PRODH2: variants seen among roughly 807,000 people sequenced by gnomAD.
PRODH2 encodes the protein hydroxyproline dehydrogenase.
Under a neutral mutation model 51.9 loss-of-function variants are expected in PRODH2, and 49 were observed. The ratio of observed to expected loss-of-function variants is 0.94; its 90% CI spans 0.75 to 1.20. PRODH2 has a LOEUF of 1.20. Among genes scored for constraint, PRODH2 ranks in the 50% most tolerant of loss-of-function variants. The pLI is 0.00. For missense variants in PRODH2, 597 were observed against 610.9 expected (o/e 0.98, Z 0.24); for synonymous variants, 249 against 260.7 (o/e 0.96, Z 0.43).
At chr19:35,811,071 T>G (rs1477856915) in intron 4 of PRODH2, among the ~76,000 whole-genome samples, 1 of 152,064 alleles carries the variant, frequency 6.6e-6, no homozygotes, top group Non-Finnish European at 1.5e-5. Context: ...GATAGAGGAA[T>G]AGAGGGATAG....
At chr19:35,809,219 A>G (rs1445780306) in intron 4 of PRODH2, among the ~76,000 whole-genome samples, 1 of 151,482 alleles carries the variant, frequency 6.6e-6, no homozygotes. Flanking sequence ...TTAGCCTCCC[A>G]AGTAGCCAGG....
At chr19:35,806,638 G>T (rs878966002) in intron 6 of PRODH2, 37 bp downstream of exon 6, 4 of 1,613,872 alleles carry the variant, frequency 2.5e-6, no homozygotes, top group Middle Eastern at 3.3e-4. Context: ...CAGGGTGTGG[G>T]GACCCCAGCC....
At chr19:35,810,014 TCCCAGCA>T (rs1173276086) in intron 4 of PRODH2, among the ~76,000 whole-genome samples, 2 of 112,868 alleles carry the variant, frequency 1.8e-5, no homozygotes, top group African/African-American at 6.7e-5. Flanking sequence ...ACGCCTGTAA[TCCCAGCA>T]CTTTGGGAGG....
intron 9 of PRODH2, among the ~76,000 whole-genome samples, chr19:35,801,393 G>A (rs1972425843): frequency 1.3e-5 from 2 of 152,164 alleles, no homozygotes; most frequent in South Asian, 4.1e-4. Flanking sequence ...TTGAACCTGG[G>A]AGGCAAAGGT....
chr19:35,808,837 T>A (rs1162926992), intron 4 of PRODH2, among the ~76,000 whole-genome samples: 3 of 140,270 alleles, frequency 2.1e-5, no homozygotes, highest in Admixed American at 7.3e-5. Flanking sequence ...TTGAGATAGA[T>A]CTCACTCTGT....
At position 35,807,056 on chromosome 19, in the gene PRODH2, C is replaced by CA. The variant is rs1208087856; in HGVS notation, c.662dup (p.His222AlafsTer43). ...GAGGGGTTACCTGTGCCACCCGATG[C>CA]AGGCGGCTGAGGGAGGCCCGGAGGT... On this transcript the variant is annotated frameshift_variant, in exon 5 of 10. Coordinates refer to ENST00000653904, the MANE Select transcript of PRODH2 (RefSeq NM_021232.2). LOFTEE classifies it high-confidence loss of function. The CA allele has an allele frequency of 1.2e-5, 18 of 1,551,938 alleles. No individual in the cohort carries two copies. The highest frequency in any genetic ancestry group is 1.6e-5 in the Non-Finnish European group (18 of 1,147,680).
At chr19:35,803,948 C>A (rs1173685842) in intron 7 of PRODH2, among the ~76,000 whole-genome samples, 3 of 18,684 alleles carry the variant, frequency 1.6e-4, no homozygotes, top group Admixed American at 6.4e-4. Flanking sequence ...TTCCCTATCG[C>A]CCCCCAGACC....
At chr19:35,808,669 G>A (rs959619397) in intron 4 of PRODH2, among the ~76,000 whole-genome samples, 1 of 152,036 alleles carries the variant, frequency 6.6e-6, no homozygotes, top group Non-Finnish European at 1.5e-5. Context: ...GGGAAACTGA[G>A]GCACAGAGCA....
At chr19:35,805,547 G>A (rs573736316) in intron 7 of PRODH2, among the ~76,000 whole-genome samples, 4 of 152,220 alleles carry the variant, frequency 2.6e-5, no homozygotes, top group East Asian at 1.9e-4. Flanking sequence ...GATTACAAGC[G>A]TGAGCCACCA....
At position 35,801,744 on chromosome 19, in the gene PRODH2, C is replaced by A. The variant is rs113250107; in HGVS notation, c.1198+447G>T. Reference sequence around the variant, plus strand: ...CCTTCCCCCAGTCCCAGGAAATGGTCTTGGCCATAAACAGATCAAGGAAGA... The same window carrying A: ...CCTTCCCCCAGTCCCAGGAAATGGTATTGGCCATAAACAGATCAAGGAAGA... On this transcript the variant is annotated intron_variant, in intron 9 of 9. Coordinates refer to ENST00000653904, the MANE Select transcript of PRODH2 (RefSeq NM_021232.2). 3.4e-3 allele frequency: 548 copies of A among 162,736 alleles called. 3 individuals carry two copies. Among genetic ancestry groups the A allele is most frequent in the African/African-American group, 0.012 (507 of 41,840 alleles). The allele number at this position is 162,736 out of a possible 1,614,324, so 10.1% of individuals were successfully genotyped here.
intron 4 of PRODH2, among the ~76,000 whole-genome samples, chr19:35,808,414 G>T (rs760447064): frequency 1.1e-4 from 16 of 152,282 alleles, no homozygotes; most frequent in Non-Finnish European, 2.1e-4. Context: ...CCACCTGGAG[G>T]CAGGTTGGGC....
At chr19:35,801,578 G>C (rs1407808807) in intron 9 of PRODH2, among the ~76,000 whole-genome samples, 1 of 152,158 alleles carries the variant, frequency 6.6e-6, no homozygotes, top group Non-Finnish European at 1.5e-5. Context: ...GCTATCTGAT[G>C]AATTCACAGA....
At chr19:35,807,358 A>G (rs925996193) in intron 4 of PRODH2, among the ~76,000 whole-genome samples, 1 of 152,020 alleles carries the variant, frequency 6.6e-6, no homozygotes, top group Non-Finnish European at 1.5e-5. Context: ...GCTGGAGTGC[A>G]GTGGCATGAT....
intron 9 of PRODH2, among the ~76,000 whole-genome samples, 187 bp from the exon 10 acceptor site, chr19:35,800,409 C>T (rs757401957): frequency 3.9e-5 from 6 of 152,228 alleles, no homozygotes; most frequent in Middle Eastern, 3.4e-3. Context: ...CCACGACGCC[C>T]GGCTCATTTT....
In PRODH2 at chr19:35,812,772, C is replaced by T. The variant is rs376345878; in HGVS notation, c.34G>A (p.Ala12Thr). 14 of 1,606,574 alleles carry T rather than the reference C, an allele frequency of 8.7e-6. No homozygotes were observed. In the African/African-American group the frequency reaches 1.7e-4, roughly 20 times the overall value. The part of the protein sequence containing the change: ...LRTCYVLCSQ[A>T]GPPSRGWQSL... ...TGCCAGCCCCTGGAGGGGGGACCAG[C>T]TTGGGAACAGAGCACGTAACAGGTC... The change falls in exon 1 of 10, where the codon GCT (alanine) becomes ACT (threonine). Residue 12 changes from alanine (A) to threonine (T), a missense_variant. Ala to Thr is a moderately conservative substitution (Grantham distance 58, BLOSUM62 0). Coordinates refer to ENST00000653904, the MANE Select transcript of PRODH2 (RefSeq NM_021232.2).
intron 4 of PRODH2, among the ~76,000 whole-genome samples, chr19:35,808,425 T>C (rs1972547179): frequency 6.6e-6 from 1 of 152,146 alleles, no homozygotes; most frequent in Admixed American, 6.6e-5. Flanking sequence ...CAGGTTGGGC[T>C]GGAAGCTGCA....
At chr19:35,807,515 C>T (rs1193435982) in intron 4 of PRODH2, among the ~76,000 whole-genome samples, 1 of 152,064 alleles carries the variant, frequency 6.6e-6, no homozygotes, top group Non-Finnish European at 1.5e-5. Context: ...GTTGGCCAGG[C>T]TGGTCTCGAA....
chr19:35,806,895 C>A, intron 5 of PRODH2, 65 bp from the exon 6 acceptor site: 1 of 1,552,144 alleles, frequency 6.4e-7, no homozygotes, highest in East Asian at 2.4e-5. Flanking sequence ...AGCCAGATCC[C>A]AGCAGGAGGG....
chr19:35,804,894 C>T (rs1010402661), intron 7 of PRODH2, among the ~76,000 whole-genome samples: 2 of 152,144 alleles, frequency 1.3e-5, no homozygotes, highest in Non-Finnish European at 2.9e-5. Flanking sequence ...CAAGATCGCA[C>T]CACTGCACTC....
Sources: gnomAD v4.1 joint callset for allele counts (sites outside exome capture counted in the v4.1 genomes callset) on GRCh38, gnomAD v4.1.1 for gene constraint, MANE v1.5 for transcripts, NCBI Gene and HGNC (gene_info 2026-07-23, HGNC 2026-07-21) for gene names.